Variants in SPACA9 observed in about 807,000 individuals in gnomAD.
SPACA9 encodes sperm acrosome-associated protein 9.
In SPACA9, 14 loss-of-function variants were observed where a neutral mutation model predicts 12.5. The observed-to-expected ratio is 1.12, with a 90% CI of 0.74 to 1.75. The LOEUF (loss-of-function observed/expected upper bound fraction) is 1.75. SPACA9 is among the 40% of genes most tolerant of loss of function. The pLI is 0.00. For missense variants in SPACA9, 292 were observed against 291.9 expected, an observed-to-expected ratio of 1.00 and a Z score of 0.00; for synonymous variants, 111 against 114.1, an observed-to-expected ratio of 0.97 and a Z score of 0.17.
intron 1 of SPACA9, among the ~76,000 whole-genome samples, chr9:132,879,917 G>A (rs1287257340): frequency 1.1e-4 from 16 of 152,178 alleles, no homozygotes. Context: ...CCAGCCATCA[G>A]CCCAGAGACA....
At chr9:132,890,190 C>T (rs1406543661), downstream of SPACA9, 1 of 365,800 alleles carries the variant, frequency 2.7e-6, no homozygotes, top group East Asian at 4.2e-5. Context: ...TTCTAAGAGG[C>T]TCATGCCCAA....
chr9:132,887,458 G>A lies in SPACA9; in HGVS notation c.234G>A (p.Lys78=), dbSNP rs1761213659. 6.2e-7 allele frequency: 1 copy of A among 1,613,672 alleles called. No individual in the cohort carries two copies. Among genetic ancestry groups the A allele is most frequent in the African/African-American group, 1.3e-5 (1 of 74,896 alleles). ...MFLDICSELN[K]LCQHFEAVHS... is the part of the protein sequence containing the mutation. ...TGGACATCTGTTCAGAGCTGAATAA[G>A]CTCTGCCAGCACTTTGAGGCCGTGC... Residue 78 remains lysine (K), a synonymous_variant, in exon 3 of 4, where the codon AAG becomes AAA. Transcript: ENST00000356311. This position sits in a 1 kb window ranked among gnomAD's most constrained non-coding sequence, Gnocchi z 5.4.
In SPACA9 at chr9:132,888,503, G is replaced by A; in HGVS notation, c.561G>A (p.Gly187=). The part of the protein sequence containing the change: ...RGAARPAQAI[G]TQPRATKHKC... ...CCGCTCGTCCTGCCCAGGCCATAGG[G>A]ACCCAGCCCAGGGCCACTAAACACA... Residue 187 remains glycine (G), a synonymous_variant, in exon 4 of 4, where the codon GGG becomes GGA. Coordinates refer to ENST00000356311, the MANE Select transcript of SPACA9 (RefSeq NM_001316897.2). This position sits in a 1 kb window ranked among gnomAD's most constrained non-coding sequence, Gnocchi z 5.0. 1.3e-6 allele frequency: 2 copies of A among 1,596,082 alleles called. No individual in the cohort carries two copies. The highest frequency in any genetic ancestry group is 1.1e-5 in the South Asian group (1 of 89,004).
chr9:132,879,760 A>G (rs1203620535), intron 1 of SPACA9, among the ~76,000 whole-genome samples: 1 of 152,218 alleles, frequency 6.6e-6, no homozygotes, highest in Non-Finnish European at 1.5e-5. Context: ...GGCCTCTTGA[A>G]GAAGAGGCTA....
chr9:132,887,200 A>C lies in SPACA9; in HGVS notation c.145-169A>C, dbSNP rs539045689. Among the ~76,000 whole-genome samples, 47 of 151,334 alleles carry C rather than the reference A, an allele frequency of 3.1e-4. No homozygotes were observed. The highest frequency in any genetic ancestry group is 1.1e-3 in the African/African-American group (46 of 41,192). Reference sequence around the variant, plus strand: ...ATCCATCTATAGAGAGAGAGATACCACTATATAGAGTGGTCTGTACCTTAA... The same window carrying C: ...ATCCATCTATAGAGAGAGAGATACCCCTATATAGAGTGGTCTGTACCTTAA... On this transcript the variant is annotated intron_variant, in intron 2 of 3. Transcript: ENST00000356311. The surrounding 1 kb of genome is among the most constrained non-coding windows in gnomAD (Gnocchi z 5.4).
At chr9:132,884,989 T>C (rs549316583) in intron 2 of SPACA9, among the ~76,000 whole-genome samples, 4 of 151,996 alleles carry the variant, frequency 2.6e-5, no homozygotes, top group Non-Finnish European at 4.4e-5. Flanking sequence ...GGTGCGCATC[T>C]GTAATCCCAG....
chr9:132,884,028 C>T lies in SPACA9; in HGVS notation c.81C>T (p.Ala27=), dbSNP rs764238548. The T allele has an allele frequency of 7.4e-6, 12 of 1,614,174 alleles. No individual in the cohort carries two copies. Among genetic ancestry groups the T allele is most frequent in the East Asian group, 2.2e-5 (1 of 44,880 alleles). The part of the protein sequence containing the change: ...LFQQQQLTFT[A]ALEHCRENAH... ...AGCAGCAGCAGCTCACCTTCACCGC[C>T]GCTCTGGAGCACTGCAGGGAGAACG... Residue 27 remains alanine, a synonymous_variant, in exon 2 of 4, where the codon GCC becomes GCT. Transcript: ENST00000356311.
intron 1 of SPACA9, among the ~76,000 whole-genome samples, chr9:132,881,116 G>T (rs1206793728): frequency 6.6e-6 from 1 of 151,624 alleles, no homozygotes; most frequent in Non-Finnish European, 1.5e-5. Flanking sequence ...GAGCTACCGC[G>T]CCCAGCCAGC....
rs554685685 is a variant in SPACA9, at chr9:132,882,182, C to G, written c.-37-1729C>G. On this transcript the variant is annotated intron_variant, in intron 1 of 3. Transcript: ENST00000356311. ...TGACAGTCACAGTGCTGTGGCTCTG[C>G]TGCAGAAGCATACTCTCTTGTCTTT... Among the ~76,000 whole-genome samples, 4 of 152,320 alleles carry G rather than the reference C, an allele frequency of 2.6e-5. No homozygotes were observed. In the East Asian group the frequency reaches 7.7e-4, roughly 29 times the overall value.
intron 2 of SPACA9, among the ~76,000 whole-genome samples, chr9:132,884,490 G>A (rs1421923598): frequency 6.6e-6 from 1 of 152,216 alleles, no homozygotes; most frequent in South Asian, 2.1e-4. Context: ...TTCCACTGGG[G>A]GTTGAGGAAC....
rs983365716 is a variant in SPACA9 at position 132,889,104 on chromosome 9, G to C, written c.*493G>C. ...TAACTTCTAACATTTCCACTTCTAA[G>C]CATCAGGCTCCGTGCTGATGAAGAG... On this transcript the variant is annotated 3_prime_UTR_variant, in exon 4 of 4. Transcript: ENST00000356311. 1 of 993,488 alleles carries C rather than the reference G, an allele frequency of 1.0e-6. No homozygotes were observed. The highest frequency in any genetic ancestry group is 1.2e-6 in the Non-Finnish European group (1 of 834,254). The allele number at this position is 993,488 out of a possible 1,614,324, so 61.5% of individuals were successfully genotyped here. A position where few individuals can be genotyped will look rare whatever the true frequency, so the allele number is the denominator to read the frequency against.
intron 1 of SPACA9, among the ~76,000 whole-genome samples, chr9:132,881,025 C>T (rs1055579179): frequency 6.6e-6 from 1 of 151,796 alleles, no homozygotes; most frequent in Non-Finnish European, 1.5e-5. Context: ...AGGGTTTCAC[C>T]GTGTTGGCCA....
chr9:132,887,339 C>A lies in SPACA9; in HGVS notation c.145-30C>A. On this transcript the variant is annotated intron_variant, in intron 2 of 3. Transcript: ENST00000356311. The surrounding 1 kb of genome is among the most constrained non-coding windows in gnomAD (Gnocchi z 5.4). ...CCAGCCAGGACCCGGGTTGGCATGT[C>A]CCCAGCTCATGTGGCGGCGGCCCTT... The A allele has an allele frequency of 6.2e-7, 1 of 1,600,948 alleles. No individual in the cohort carries two copies. Among genetic ancestry groups the A allele is most frequent in the Non-Finnish European group, 8.5e-7 (1 of 1,176,174 alleles).
In SPACA9 at chr9:132,888,934, A is replaced by T; in HGVS notation, c.*323A>T. 1.7e-6 allele frequency: 1 copy of T among 604,664 alleles called. No homozygotes were observed. The highest frequency in any genetic ancestry group is 2.2e-6 in the Non-Finnish European group (1 of 450,468). 37.5% of individuals were successfully genotyped at this position (604,664 alleles called of 1,614,324 possible). A position where few individuals can be genotyped will look rare whatever the true frequency, so the allele number is the denominator to read the frequency against. On this transcript the variant is annotated 3_prime_UTR_variant, in exon 4 of 4. Coordinates refer to ENST00000356311, the MANE Select transcript of SPACA9 (RefSeq NM_001316897.2). This position sits in a 1 kb window ranked among gnomAD's most constrained non-coding sequence, Gnocchi z 5.0. ...AGGCGCCCACCACCTCGCCTGGCTA[A>T]TTTTTTGTATTTTTAGTAGAGACAG...
At position 132,888,259 on chromosome 9, in the gene SPACA9, T is replaced by G. The variant is rs759123129; in HGVS notation, c.348-31T>G. 3.2e-6 allele frequency: 5 copies of G among 1,570,424 alleles called. No homozygotes were observed. In the African/African-American group the frequency reaches 6.8e-5, roughly 21 times the overall value. On this transcript the variant is annotated intron_variant, in intron 3 of 3. Transcript: ENST00000356311. The surrounding 1 kb of genome is among the most constrained non-coding windows in gnomAD (Gnocchi z 5.0). Reference sequence around the variant, plus strand: ...CACGGCATGGCAAGTCCCGGGAGCATGGGTTCACCTGGCCCCCTGCCGTCC... The same window carrying G: ...CACGGCATGGCAAGTCCCGGGAGCAGGGGTTCACCTGGCCCCCTGCCGTCC...
chr9:132,882,228 C>T (rs1844448039), intron 1 of SPACA9, among the ~76,000 whole-genome samples: 1 of 152,182 alleles, frequency 6.6e-6, no homozygotes, highest in Non-Finnish European at 1.5e-5. Flanking sequence ...CACTCAGTGG[C>T]TCTTAAGGTG....
Position 132,888,515 on chromosome 9 carries a change from G to A in SPACA9, c.573G>A (p.Arg191=). ...CCCAGGCCATAGGGACCCAGCCCAG[G>A]GCCACTAAACACAAGTGTAGACAGC... ...RPAQAIGTQP[R]ATKHKCRQLT... is the part of the protein sequence containing the mutation. Residue 191 remains arginine (R), a synonymous_variant, in exon 4 of 4, where the codon AGG becomes AGA. Coordinates refer to ENST00000356311, the MANE Select transcript of SPACA9 (RefSeq NM_001316897.2). This position sits in a 1 kb window ranked among gnomAD's most constrained non-coding sequence, Gnocchi z 5.0. 2 of 1,582,836 alleles carry A rather than the reference G, an allele frequency of 1.3e-6. No homozygotes were observed. The highest frequency in any genetic ancestry group is 1.7e-6 in the Non-Finnish European group (2 of 1,165,234).
chr9:132,880,745 A>C (rs1844392893), intron 1 of SPACA9, among the ~76,000 whole-genome samples: 1 of 152,188 alleles, frequency 6.6e-6, no homozygotes, highest in African/African-American at 2.4e-5. Flanking sequence ...AACATGTCAA[A>C]AATTTAAGTA....
intron 1 of SPACA9, among the ~76,000 whole-genome samples, chr9:132,880,817 GCTAT>G (rs1042004580): frequency 1.3e-5 from 2 of 151,024 alleles, no homozygotes; most frequent in Non-Finnish European, 2.9e-5. Context: ...GCAAGGTGCA[GCTAT>G]CTTTTTTTTT....
Sources: allele counts gnomAD v4.1 joint callset (sites outside exome capture counted in the v4.1 genomes callset), GRCh38; gene constraint gnomAD v4.1.1; non-coding constraint Gnocchi (gnomAD v3.1); transcripts MANE v1.5; gene names NCBI Gene and HGNC (gene_info 2026-07-23, HGNC 2026-07-21).